Variants in POLK observed in about 807,000 individuals in gnomAD.
POLK encodes the protein polymerase (DNA directed) kappa.
POLK carries 76 observed loss-of-function variants against 94.0 expected under a neutral mutation model. The observed-to-expected ratio is 0.81, with a 90% CI of 0.67 to 0.98. The LOEUF is 0.98. POLK is among the 50% of genes least tolerant of loss of function. POLK has a pLI of 0.00. For synonymous variants in POLK, 349 were observed against 325.4 expected, an observed-to-expected ratio of 1.07 and a Z score of -0.78; for missense variants, 954 against 1,010.1, an observed-to-expected ratio of 0.94 and a Z score of 0.75.
At chr5:75,563,502 T>C (rs1421406094) in intron 3 of POLK, among the ~76,000 whole-genome samples, 1 of 152,216 alleles carries the variant, frequency 6.6e-6, no homozygotes, top group Non-Finnish European at 1.5e-5. Flanking sequence ...GTGTTGATTT[T>C]AGATCGTTCC....
At chr5:75,547,875 A>T (rs763352102) in intron 2 of POLK, among the ~76,000 whole-genome samples, 1 of 152,198 alleles carries the variant, frequency 6.6e-6, no homozygotes, top group African/African-American at 2.4e-5. Flanking sequence ...TGGCAATCTG[A>T]GGTAATATAG....
intron 4 of POLK, among the ~76,000 whole-genome samples, chr5:75,570,073 G>A (rs1310155448): frequency 6.6e-6 from 1 of 152,132 alleles, no homozygotes; most frequent in East Asian, 1.9e-4. Context: ...CACAATAAAT[G>A]TGACGTGCTT....
At chr5:75,555,201 A>C (rs552795815) in intron 3 of POLK, among the ~76,000 whole-genome samples, 17 of 152,268 alleles carry the variant, frequency 1.1e-4, no homozygotes, top group African/African-American at 4.1e-4. Flanking sequence ...GGTGGTGTAC[A>C]TTCTGTGGGT....
chr5:75,513,978 G>A (rs373217803), intron 1 of POLK, among the ~76,000 whole-genome samples: 1 of 151,494 alleles, frequency 6.6e-6, no homozygotes, highest in Non-Finnish European at 1.5e-5. Flanking sequence ...AACGTGTTTT[G>A]CTTCCTGTTT....
rs773700203 is a variant in POLK, at chr5:75,583,319, A to G, written c.961A>G (p.Lys321Glu). Residue 321 changes from lysine to glutamate, a missense_variant, in exon 8 of 15, where the codon AAA becomes GAA. Transcript: ENST00000241436. ...CATTGCCCCAAATACAATGTTAGCAAAAGTATGCAGTGATAAGAATAAACC... is the reference window on the plus strand; with the variant it reads ...CATTGCCCCAAATACAATGTTAGCAGAAGTATGCAGTGATAAGAATAAACC... 14 of 1,604,920 alleles carry G rather than the reference A, an allele frequency of 8.7e-6. No individual in the cohort carries two copies. In the Admixed American group the frequency reaches 2.2e-4, roughly 25 times the overall value.
intron 1 of POLK, among the ~76,000 whole-genome samples, chr5:75,514,388 G>A (rs559663461): frequency 2.0e-5 from 3 of 152,158 alleles, no homozygotes; most frequent in South Asian, 4.1e-4. Context: ...AATTAACAAG[G>A]CCCAAGAAAA....
chr5:75,589,596 G>C (rs867602486), intron 10 of POLK, among the ~76,000 whole-genome samples: 1 of 151,934 alleles, frequency 6.6e-6, no homozygotes, highest in Non-Finnish European at 1.5e-5. Context: ...GACTACAGGC[G>C]CCCGTATACG....
chr5:75,532,579 G>T (rs1769237137), intron 1 of POLK, among the ~76,000 whole-genome samples: 1 of 152,060 alleles, frequency 6.6e-6, no homozygotes, highest in South Asian at 2.1e-4. Context: ...GTAGAACGAT[G>T]TATATTCCTT....
intron 1 of POLK, among the ~76,000 whole-genome samples, chr5:75,534,085 A>C (rs1319090550): frequency 6.6e-6 from 1 of 151,948 alleles, no homozygotes; most frequent in Admixed American, 6.6e-5. Context: ...TGCCAACATG[A>C]TGAAACCCCA....
intron 3 of POLK, among the ~76,000 whole-genome samples, chr5:75,566,557 T>A (rs896365088): frequency 6.6e-6 from 1 of 152,162 alleles, no homozygotes; most frequent in African/African-American, 2.4e-5. Flanking sequence ...GCGTAATATC[T>A]AGGCTGGATA....
upstream of POLK, chr5:75,511,193 C>T (rs769552154): frequency 6.2e-7 from 1 of 1,613,178 alleles, no homozygotes; most frequent in South Asian, 1.1e-5. Flanking sequence ...AGTTCCAGCT[C>T]TGATTATCCG....
chr5:75,589,830 T>G (rs1772685211), intron 10 of POLK, among the ~76,000 whole-genome samples: 1 of 152,168 alleles, frequency 6.6e-6, no homozygotes, highest in Admixed American at 6.5e-5. Flanking sequence ...GCAGATGAAT[T>G]CAAAATACCT....
intron 2 of POLK, among the ~76,000 whole-genome samples, chr5:75,548,057 G>C (rs1041063534): frequency 6.6e-6 from 1 of 152,066 alleles, no homozygotes; most frequent in Non-Finnish European, 1.5e-5. Flanking sequence ...TGAAGAGCTA[G>C]GACAATAGGC....
chr5:75,527,771 A>C (rs1226394202), intron 1 of POLK, among the ~76,000 whole-genome samples: 1 of 152,192 alleles, frequency 6.6e-6, no homozygotes, highest in East Asian at 1.9e-4. Flanking sequence ...AGGTAAGAAG[A>C]CCACTTGTTA....
chr5:75,511,240 C>T (rs755104888), upstream of POLK: 8 of 1,609,360 alleles, frequency 5.0e-6, no homozygotes, highest in South Asian at 5.5e-5. Context: ...AGACCGGCCC[C>T]CGCTCCCTCA....
chr5:75,602,713 G>A (rs1295509043), downstream of POLK, among the ~76,000 whole-genome samples: 1 of 152,104 alleles, frequency 6.6e-6, no homozygotes, highest in East Asian at 1.9e-4. Flanking sequence ...AATGACATAG[G>A]CCTAATAATT....
At chr5:75,542,828 T>G (rs1053632357) in intron 1 of POLK, among the ~76,000 whole-genome samples, 3 of 150,442 alleles carry the variant, frequency 2.0e-5, no homozygotes, top group Admixed American at 2.0e-4. Context: ...TTCTCCTGCC[T>G]CAGCCTCCTG....
At chr5:75,575,058 G>A (rs1046454867) in intron 5 of POLK, among the ~76,000 whole-genome samples, 4 of 152,260 alleles carry the variant, frequency 2.6e-5, no homozygotes, top group East Asian at 1.9e-4. Flanking sequence ...AATTTGAGCC[G>A]GATCTAGCTA....
chr5:75,512,674 A>C (rs1027958504), intron 1 of POLK: 1 of 152,248 alleles, frequency 6.6e-6, no homozygotes, highest in African/African-American at 2.4e-5. Flanking sequence ...AACTTTGATT[A>C]TGAGACTTTG....
Sources: gnomAD v4.1 joint callset for allele counts (sites outside exome capture counted in the v4.1 genomes callset) on GRCh38, gnomAD v4.1.1 for gene constraint, MANE v1.5 for transcripts, NCBI Gene and HGNC (gene_info 2026-07-23, HGNC 2026-07-21) for gene names.